LCA5: variants seen among roughly 807,000 people sequenced by gnomAD.
LCA5 encodes the protein lebercilin LCA5.
A neutral mutation model predicts 53.0 loss-of-function variants in LCA5; 37 were observed. The observed-to-expected ratio is 0.70, with a 90% CI of 0.54 to 0.92. LCA5 has a LOEUF of 0.92. LCA5 is among the 40% of genes least tolerant of loss of function. The probability of loss-of-function intolerance (pLI) is 0.00; values close to 1 mark genes in which losing one functional copy is unlikely to be tolerated. For synonymous variants in LCA5, 303 were observed against 282.9 expected (o/e 1.07, Z -0.71); for missense variants, 806 against 790.5 (o/e 1.02, Z -0.23).
At chr6:79,523,116 T>C (rs921047148) in intron 1 of LCA5, among the ~76,000 whole-genome samples, 2 of 152,200 alleles carry the variant, frequency 1.3e-5, no homozygotes, top group African/African-American at 4.8e-5. Flanking sequence ...ATTTGTTTGA[T>C]ATTTTCTTTA....
Position 79,518,972 on chromosome 6 carries a change from C to T in LCA5, c.-78G>A. The T allele has an allele frequency of 7.7e-7, 1 of 1,293,408 alleles. No homozygotes were observed. Among genetic ancestry groups the T allele is most frequent in the Non-Finnish European group, 1.1e-6 (1 of 889,004 alleles). The allele number at this position is 1,293,408 out of a possible 1,614,324, so 80.1% of individuals were successfully genotyped here. On this transcript the variant is annotated 5_prime_UTR_variant, in exon 2 of 8. The change abolishes an upstream ATG in the 5' untranslated region. Coordinates refer to ENST00000369846, the MANE Select transcript of LCA5 (RefSeq NM_001122769.3). ...AGGAGACTATGACAATACTGAAAAA[C>T]ATTTTCACAGTCTTCAGATCCTGAT...
chr6:79,509,693 T>G (rs1770360888), intron 3 of LCA5, among the ~76,000 whole-genome samples: 1 of 152,106 alleles, frequency 6.6e-6, no homozygotes. Flanking sequence ...AAATAAGCTT[T>G]GACATTCAAA....
At chr6:79,499,866 T>G (rs1385693523) in intron 3 of LCA5, among the ~76,000 whole-genome samples, 1 of 147,104 alleles carries the variant, frequency 6.8e-6, no homozygotes, top group East Asian at 2.0e-4. Flanking sequence ...CCCACAACAG[T>G]CCCCAGAGTG....
At chr6:79,515,373 A>C (rs1039245862) in intron 2 of LCA5, among the ~76,000 whole-genome samples, 1 of 152,158 alleles carries the variant, frequency 6.6e-6, no homozygotes, top group Non-Finnish European at 1.5e-5. Flanking sequence ...GTTCAAATCA[A>C]AAACCCTAAT....
At chr6:79,537,983 TG>T (rs1240667405), upstream of LCA5, among the ~76,000 whole-genome samples, 2 of 142,908 alleles carry the variant, frequency 1.4e-5, no homozygotes, top group African/African-American at 5.2e-5. Context: ...GGAACGGGTT[TG>T]GGGTGGAATG....
Position 79,486,602 on chromosome 6 carries a change from T to C in LCA5, c.*402A>G. 1 of 177,820 alleles carries C rather than the reference T, an allele frequency of 5.6e-6. No homozygotes were observed. Among genetic ancestry groups the C allele is most frequent in the South Asian group, 1.3e-4 (1 of 7,624 alleles). 11.0% of individuals were successfully genotyped at this position (177,820 alleles called of 1,614,324 possible). A position where few individuals can be genotyped will look rare whatever the true frequency, so the allele number is the denominator to read the frequency against. ...CGGAGCTACACTTCCCAACACAGAC[T>C]TTCACCCTTAATTTTCATTCAACAA... On this transcript the variant is annotated 3_prime_UTR_variant, in exon 8 of 8. Transcript: ENST00000369846.
intron 1 of LCA5, among the ~76,000 whole-genome samples, chr6:79,521,619 G>A (rs1024451462): frequency 2.6e-5 from 4 of 152,160 alleles, no homozygotes; most frequent in African/African-American, 9.7e-5. Context: ...TTTGAATTAT[G>A]AGTGTCAGTA....
intron 1 of LCA5, among the ~76,000 whole-genome samples, chr6:79,521,177 A>G (rs1233691179): frequency 6.6e-6 from 1 of 152,196 alleles, no homozygotes; most frequent in Non-Finnish European, 1.5e-5. Flanking sequence ...GGAAGGAAGG[A>G]AGCAGAGTTT....
At chr6:79,506,204 GTTTC>G (rs1770268461) in intron 3 of LCA5, among the ~76,000 whole-genome samples, 1 of 152,192 alleles carries the variant, frequency 6.6e-6, no homozygotes, top group East Asian at 1.9e-4. Context: ...AGTCTTAATA[GTTTC>G]TTTTTGTTTT....
chr6:79,508,963 T>C (rs930285404), intron 3 of LCA5, among the ~76,000 whole-genome samples: 1 of 152,154 alleles, frequency 6.6e-6, no homozygotes, highest in Non-Finnish European at 1.5e-5. Flanking sequence ...AAATTCTGGA[T>C]TGACTGATGA....
At chr6:79,530,370 G>A (rs75334837) in intron 1 of LCA5, among the ~76,000 whole-genome samples, 244 of 152,158 alleles carry the variant, frequency 1.6e-3, no homozygotes, top group Middle Eastern at 6.8e-3. Context: ...GTGAAGGGTG[G>A]GATGAGGGAG....
intron 3 of LCA5, among the ~76,000 whole-genome samples, chr6:79,496,787 CATTAGT>C (rs1279768558): frequency 6.6e-6 from 1 of 152,062 alleles, no homozygotes; most frequent in Non-Finnish European, 1.5e-5. Context: ...GGTTGACAGA[CATTAGT>C]ACAATTTCAA....
intron 3 of LCA5, among the ~76,000 whole-genome samples, chr6:79,510,282 A>T (rs1427486244): frequency 6.6e-6 from 1 of 152,204 alleles, no homozygotes; most frequent in Non-Finnish European, 1.5e-5. Context: ...GTGCTGGAGT[A>T]ACTACACATC....
chr6:79,505,772 A>T (rs372398776), intron 3 of LCA5, among the ~76,000 whole-genome samples: 1 of 152,190 alleles, frequency 6.6e-6, no homozygotes, highest in East Asian at 1.9e-4. Context: ...AAAAACTTTC[A>T]GAGCAGCTTC....
chr6:79,512,607 G>T (rs1169547157), intron 3 of LCA5, among the ~76,000 whole-genome samples: 1 of 149,082 alleles, frequency 6.7e-6, no homozygotes, highest in Non-Finnish European at 1.5e-5. Context: ...CTGACTCAGG[G>T]CTTCTGTTTG....
intron 1 of LCA5, among the ~76,000 whole-genome samples, chr6:79,522,920 A>T (rs981339965): frequency 6.6e-6 from 1 of 151,068 alleles, no homozygotes; most frequent in African/African-American, 2.4e-5. Context: ...TTTTTTTTAA[A>T]GAATCTTTAT....
chr6:79,520,361 C>G (rs1246411229), intron 1 of LCA5, among the ~76,000 whole-genome samples: 1 of 151,952 alleles, frequency 6.6e-6, no homozygotes, highest in Non-Finnish European at 1.5e-5. Flanking sequence ...TACACACATT[C>G]ATTAAAAAAA....
chr6:79,500,069 G>C (rs1264255887), intron 3 of LCA5, among the ~76,000 whole-genome samples: 1 of 151,524 alleles, frequency 6.6e-6, no homozygotes, highest in Non-Finnish European at 1.5e-5. Flanking sequence ...GTGTATATGT[G>C]CCACATTTTC....
Position 79,492,585 on chromosome 6 carries a change from T to C in LCA5, c.921A>G (p.Pro307=). 1 of 1,569,260 alleles carries C rather than the reference T, an allele frequency of 6.4e-7. No homozygotes were observed. Among genetic ancestry groups the C allele is most frequent in the Non-Finnish European group, 8.7e-7 (1 of 1,145,160 alleles). ...TTAATGCAAGTTCTTTCTCTTTATTTGGAGAGGACTTTGGCAGACGATTAG... is the reference window on the plus strand; with the variant it reads ...TTAATGCAAGTTCTTTCTCTTTATTCGGAGAGGACTTTGGCAGACGATTAG... ...IYSNRLPKSS[P]NKEKELALRK... Residue 307 remains proline (P), a synonymous_variant, in exon 5 of 8, where the codon CCA becomes CCG. Coordinates refer to ENST00000369846, the MANE Select transcript of LCA5 (RefSeq NM_001122769.3).
Sources: gnomAD v4.1 joint callset for allele counts (sites outside exome capture counted in the v4.1 genomes callset) on GRCh38, gnomAD v4.1.1 for gene constraint, MANE v1.5 for transcripts, NCBI Gene and HGNC (gene_info 2026-07-23, HGNC 2026-07-21) for gene names.